CCSER1: variants seen among roughly 807,000 people sequenced by gnomAD.
CCSER1 encodes the protein coiled-coil serine rich protein 1.
Under a neutral mutation model 82.0 loss-of-function variants are expected in CCSER1, and 41 were observed. The ratio of observed to expected loss-of-function variants is 0.50; its 90% CI spans 0.39 to 0.65. CCSER1 has a LOEUF of 0.65. CCSER1 is among the 30% of genes least tolerant of loss of function. The pLI is 0.00. For synonymous variants in CCSER1, 414 were observed against 383.9 expected (o/e 1.08, Z -0.92); for missense variants, 1,119 against 1,064.2 (o/e 1.05, Z -0.72).
At chr4:91,353,318 G>A (rs964800351) in intron 10 of CCSER1, among the ~76,000 whole-genome samples, 6 of 152,174 alleles carry the variant, frequency 3.9e-5, no homozygotes, top group African/African-American at 1.2e-4. Context: ...CAAGGGGTCC[G>A]TGACGGGCTG....
intron 4 of CCSER1, among the ~76,000 whole-genome samples, chr4:90,417,385 C>A (rs1755967301): frequency 6.6e-6 from 1 of 151,578 alleles, no homozygotes; most frequent in African/African-American, 2.4e-5. Context: ...TAATATTAAC[C>A]ATTAATCATT....
chr4:90,404,368 G>T (rs1207083515), intron 4 of CCSER1, among the ~76,000 whole-genome samples: 4 of 152,056 alleles, frequency 2.6e-5, no homozygotes, highest in African/African-American at 9.7e-5. Context: ...CCCACCTGGT[G>T]GTCTTTCTCT....
At chr4:91,497,955 T>C (rs1376497096) in intron 10 of CCSER1, among the ~76,000 whole-genome samples, 2 of 151,944 alleles carry the variant, frequency 1.3e-5, no homozygotes, top group African/African-American at 2.4e-5. Context: ...CATTACACTT[T>C]ATTGTGTGGA....
At chr4:90,862,801 C>A (rs1054739256) in intron 8 of CCSER1, among the ~76,000 whole-genome samples, 5 of 151,704 alleles carry the variant, frequency 3.3e-5, no homozygotes, top group Admixed American at 6.6e-5. Context: ...GGAAATGATG[C>A]CACAGTTTGC....
chr4:91,337,033 T>C (rs1528562), intron 10 of CCSER1, among the ~76,000 whole-genome samples: 53,676 of 151,906 alleles, frequency 0.35, 10,003 homozygotes, highest in African/African-American at 0.46. Context: ...TTCATATAAA[T>C]GCTTACATAT....
At chr4:91,121,438 CTG>C (rs1727081757) in intron 10 of CCSER1, among the ~76,000 whole-genome samples, 1 of 151,642 alleles carries the variant, frequency 6.6e-6, no homozygotes, top group South Asian at 2.1e-4. Context: ...TAAGAGGAAA[CTG>C]TTCCTATTTT....
chr4:90,361,165 A>T (rs1463047323), intron 3 of CCSER1, among the ~76,000 whole-genome samples: 4 of 152,186 alleles, frequency 2.6e-5, no homozygotes, highest in African/African-American at 7.2e-5. Flanking sequence ...CACTCTTTAA[A>T]CATATACGAT....
intron 9 of CCSER1, among the ~76,000 whole-genome samples, chr4:91,063,874 A>G (rs1423573122): frequency 6.6e-6 from 1 of 152,212 alleles, no homozygotes; most frequent in African/African-American, 2.4e-5. Flanking sequence ...TTGGTTCTCA[A>G]TGACATTAAA....
chr4:91,152,043 C>G (rs987461536), intron 10 of CCSER1, among the ~76,000 whole-genome samples: 11 of 152,148 alleles, frequency 7.2e-5, no homozygotes, highest in Admixed American at 2.0e-4. Context: ...AACCTTCTGT[C>G]TCGTTGATCT....
chr4:90,430,409 C>T (rs901022087), intron 4 of CCSER1, among the ~76,000 whole-genome samples: 11 of 151,818 alleles, frequency 7.2e-5, no homozygotes, highest in Non-Finnish European at 1.5e-4. Context: ...AGTCAGTATG[C>T]ATTGAAATTT....
At chr4:90,670,705 C>T (rs1473187545) in intron 6 of CCSER1, among the ~76,000 whole-genome samples, 4 of 151,998 alleles carry the variant, frequency 2.6e-5, no homozygotes, top group Non-Finnish European at 4.4e-5. Flanking sequence ...AGACCATAGA[C>T]ATATTTAATT....
At chr4:90,898,267 A>ATTTTTTTTTTTT (rs1439532109) in intron 8 of CCSER1, among the ~76,000 whole-genome samples, 2 of 55,372 alleles carry the variant, frequency 3.6e-5, no homozygotes, top group South Asian at 4.6e-4. Context: ...TCTTTAATCC[A>ATTTTTTTTTTTT]TCTTTTTTTT....
At chr4:90,195,518 A>G (rs568828206) in intron 1 of CCSER1, among the ~76,000 whole-genome samples, 19 of 152,226 alleles carry the variant, frequency 1.2e-4, no homozygotes, top group Middle Eastern at 3.4e-3. Context: ...GTATGATACT[A>G]TAATGGTGGA....
rs186229550 is a variant in CCSER1, at chr4:90,823,668, G to T, written c.2094+7823G>T. Among the ~76,000 whole-genome samples, 938 of 151,862 alleles carry T rather than the reference G, an allele frequency of 6.2e-3. 7 individuals are homozygous for T. The highest frequency in any genetic ancestry group is 0.022 in the African/African-American group (900 of 41,466). On this transcript the variant is annotated intron_variant, in intron 8 of 10. Transcript: ENST00000509176. ...CCGTGAGCTCTCTATTTTGGGGGGG[G>T]ATGTTTGGACATTTTAGTTTATAAT...
chr4:90,225,863 A>G (rs1743071303), intron 1 of CCSER1, among the ~76,000 whole-genome samples: 1 of 152,210 alleles, frequency 6.6e-6, no homozygotes, highest in Non-Finnish European at 1.5e-5. Context: ...TGCTTCTCTC[A>G]TCAAGAAGTG....
intron 9 of CCSER1, among the ~76,000 whole-genome samples, chr4:90,997,253 C>G (rs971331203): frequency 1.3e-5 from 2 of 151,864 alleles, no homozygotes; most frequent in Non-Finnish European, 2.9e-5. Flanking sequence ...ATCATGGCAC[C>G]ATCCTTCATC....
chr4:90,233,271 C>T (rs1745022899), intron 1 of CCSER1, among the ~76,000 whole-genome samples: 1 of 152,068 alleles, frequency 6.6e-6, no homozygotes, highest in African/African-American at 2.4e-5. Context: ...GGCACATATA[C>T]ACCATGGAAT....
chr4:90,966,100 CAG>C (rs1390887820), intron 9 of CCSER1, among the ~76,000 whole-genome samples: 2 of 151,954 alleles, frequency 1.3e-5, no homozygotes, highest in Non-Finnish European at 2.9e-5. Flanking sequence ...TAAAAATGAA[CAG>C]AGACTCAGAA....
intron 10 of CCSER1, among the ~76,000 whole-genome samples, chr4:91,283,733 C>T (rs920115109): frequency 6.6e-6 from 1 of 151,892 alleles, no homozygotes; most frequent in Non-Finnish European, 1.5e-5. Context: ...GATTTCTATT[C>T]ATTTCTCCAC....
Sources: allele counts gnomAD v4.1 joint callset (sites outside exome capture counted in the v4.1 genomes callset), GRCh38; gene constraint gnomAD v4.1.1; transcripts MANE v1.5; gene names NCBI Gene and HGNC (gene_info 2026-07-23, HGNC 2026-07-21).